ZFP14: variants seen among roughly 807,000 people sequenced by gnomAD.
The protein encoded by ZFP14 is ZFP14 zinc finger protein.
In ZFP14, 22 loss-of-function variants were observed where a neutral mutation model predicts 54.5. That is an observed-to-expected ratio of 0.40 (90% CI 0.29 to 0.58). The LOEUF is 0.58. Among genes scored for constraint, ZFP14 ranks in the 20% least tolerant of loss-of-function variants. ZFP14 has a pLI of 0.39. For synonymous variants in ZFP14, 159 were observed against 204.0 expected (o/e 0.78, Z 1.88); for missense variants, 470 against 637.8 (o/e 0.74, Z 2.83).
chr19:36,372,283 T>C (rs1052191537), intron 1 of ZFP14, among the ~76,000 whole-genome samples: 2 of 146,684 alleles, frequency 1.4e-5, no homozygotes, highest in African/African-American at 5.0e-5. Flanking sequence ...AGAAAGCCAA[T>C]AGAAAGAATC....
rs2031196047 is a variant in ZFP14, at chr19:36,336,314, A to G, written c.*3910T>C. On this transcript the variant is annotated 3_prime_UTR_variant, in exon 5 of 5. Transcript: ENST00000270001. ...GAGTGCAGTGGCGCGATCTCAACTC[A>G]CCACAAACTCCGCCTCCTGGATTCA... 1 of 134,394 alleles carries G rather than the reference A, an allele frequency of 7.4e-6. No individual in the cohort carries two copies. The highest frequency in any genetic ancestry group is 1.5e-5 in the Non-Finnish European group (1 of 65,878). The allele number at this position is 134,394 out of a possible 1,614,324, so 8.3% of individuals were successfully genotyped here. A position where few individuals can be genotyped will look rare whatever the true frequency, so the allele number is the denominator to read the frequency against.
At chr19:36,360,887 T>C (rs1263541387) in intron 3 of ZFP14, among the ~76,000 whole-genome samples, 2 of 152,206 alleles carry the variant, frequency 1.3e-5, no homozygotes, top group African/African-American at 2.4e-5. Flanking sequence ...TGTTTCTGTG[T>C]TACCTAGCAA....
rs374347665 is a variant in ZFP14, at chr19:36,351,696, T to C, written c.235+8739A>G. The stretch of plus-strand genomic sequence containing the variant: ...GCCAACACAGTGAGACCCCCATCTC[T>C]AAAATAAAACAAATTAGCCGGGCAT... On this transcript the variant is annotated intron_variant, in intron 4 of 4. Transcript: ENST00000270001. Among the ~76,000 whole-genome samples the C allele has an allele frequency of 1.1e-4, 16 of 139,292 alleles. 3 individuals carry two copies. Among genetic ancestry groups the C allele is most frequent in the African/African-American group, 4.2e-4 (16 of 37,834 alleles). 91.4% of individuals were successfully genotyped at this position (139,292 alleles called of 152,430 possible).
rs1000900335 is a variant in ZFP14, at chr19:36,346,463, C to CT, written c.236-4874dup. Among the ~76,000 whole-genome samples, 265 of 147,726 alleles carry CT rather than the reference C, an allele frequency of 1.8e-3. 2 individuals carry two copies. Among genetic ancestry groups the CT allele is most frequent in the East Asian group, 5.5e-3 (28 of 5,066 alleles). ...GTGACAACTCCCCATAGAGCTCTCA[C>CT]TTTTTTTTTTTGAGACAGAGTCTTG... On this transcript the variant is annotated intron_variant, in intron 4 of 4. Transcript: ENST00000270001.
chr19:36,371,107 CA>C (rs916398598), intron 1 of ZFP14, among the ~76,000 whole-genome samples: 6 of 152,008 alleles, frequency 3.9e-5, no homozygotes. Context: ...CTAAAAAATA[CA>C]AAAAAATTAG....
At chr19:36,353,380 C>G (rs969878176) in intron 4 of ZFP14, among the ~76,000 whole-genome samples, 1 of 142,644 alleles carries the variant, frequency 7.0e-6, no homozygotes, top group Non-Finnish European at 1.6e-5. Flanking sequence ...TCAATCTATT[C>G]TCTGTAGAGT....
At chr19:36,372,531 C>G (rs960685245) in intron 1 of ZFP14, among the ~76,000 whole-genome samples, 1 of 152,144 alleles carries the variant, frequency 6.6e-6, no homozygotes, top group Non-Finnish European at 1.5e-5. Context: ...CACATACAAC[C>G]TACCAAGATT....
chr19:36,350,971 TA>T (rs1329493009), intron 4 of ZFP14, among the ~76,000 whole-genome samples: 2 of 143,046 alleles, frequency 1.4e-5, no homozygotes, highest in African/African-American at 5.1e-5. Flanking sequence ...TAAGACGTAA[TA>T]AAGATATTTT....
rs1383237076 is a variant in ZFP14, at chr19:36,351,273, C to G, written c.235+9162G>C. Among the ~76,000 whole-genome samples, 11 of 142,418 alleles carry G rather than the reference C, an allele frequency of 7.7e-5. 4 individuals carry two copies. Among genetic ancestry groups the G allele is most frequent in the African/African-American group, 2.1e-4 (8 of 38,874 alleles). The allele number at this position is 142,418 out of a possible 152,430, so 93.4% of individuals were successfully genotyped here. ...CAGCACTTTGGGAGGCTGAGGTGGGCGGATCACCTGGGATCAGGAGTTCAA... is the reference window on the plus strand; with the variant it reads ...CAGCACTTTGGGAGGCTGAGGTGGGGGGATCACCTGGGATCAGGAGTTCAA... On this transcript the variant is annotated intron_variant, in intron 4 of 4. Coordinates refer to ENST00000270001, the MANE Select transcript of ZFP14 (RefSeq NM_020917.3).
chr19:36,345,897 G>A (rs1239720552), intron 4 of ZFP14, among the ~76,000 whole-genome samples: 2 of 151,922 alleles, frequency 1.3e-5, no homozygotes, highest in Non-Finnish European at 2.9e-5. Context: ...ACAAAAGTTA[G>A]AAAAAGAACA....
intron 2 of ZFP14, among the ~76,000 whole-genome samples, chr19:36,363,299 T>G (rs1218830643): frequency 6.8e-6 from 1 of 147,726 alleles, no homozygotes; most frequent in Non-Finnish European, 1.5e-5. Flanking sequence ...GTTCACGCCA[T>G]TCTCCTGCCT....
At chr19:36,367,407 T>C (rs1365633384) in intron 2 of ZFP14, among the ~76,000 whole-genome samples, 1 of 152,056 alleles carries the variant, frequency 6.6e-6, no homozygotes, top group Admixed American at 6.6e-5. Flanking sequence ...TGCTCAACAT[T>C]AGTGGGAGAA....
intron 4 of ZFP14, among the ~76,000 whole-genome samples, chr19:36,351,288 C>T (rs1600072436): frequency 7.0e-6 from 1 of 142,882 alleles, no homozygotes. Context: ...CACCTGGGAT[C>T]AGGAGTTCAA....
rs533141693 is a variant in ZFP14, at chr19:36,369,820, T to A, written c.-79-1849A>T. Among the ~76,000 whole-genome samples the A allele has an allele frequency of 4.6e-5, 7 of 152,216 alleles. No individual in the cohort carries two copies. The East Asian group carries it at 1.4e-3, about 29-fold the overall frequency. On this transcript the variant is annotated intron_variant, in intron 1 of 4. Coordinates refer to ENST00000270001, the MANE Select transcript of ZFP14 (RefSeq NM_020917.3). Reference sequence around the variant, plus strand: ...ATTCACTAAAAAAAAGAGGAATAACTAACAGTAGGTTTTGTTTTGTTTTGT... The same window carrying A: ...ATTCACTAAAAAAAAGAGGAATAACAAACAGTAGGTTTTGTTTTGTTTTGT...
chr19:36,338,318 G>A lies in ZFP14; in HGVS notation c.*1906C>T, dbSNP rs2031243663. 1 of 152,028 alleles carries A rather than the reference G, an allele frequency of 6.6e-6. No individual in the cohort carries two copies. Among genetic ancestry groups the A allele is most frequent in the Non-Finnish European group, 1.5e-5 (1 of 68,028 alleles). The allele number at this position is 152,028 out of a possible 1,614,324, so 9.4% of individuals were successfully genotyped here. A position where few individuals can be genotyped will look rare whatever the true frequency, so the allele number is the denominator to read the frequency against. ...TTCATTTGAATTTGATGAACTTCTG[G>A]TGACCCTGAAATTTGGTTCACATGG... On this transcript the variant is annotated 3_prime_UTR_variant, in exon 5 of 5. Transcript: ENST00000270001.
rs35013438 is a variant in ZFP14 at position 36,335,569 on chromosome 19, T to TCACACACACACACA, written c.*4641_*4654dup. Reference sequence around the variant, plus strand: ...GTATCAGATTTTTTAAACAGGGAGTTCACACACACACACACACACACACAT... The same window carrying TCACACACACACACA: ...GTATCAGATTTTTTAAACAGGGAGTTCACACACACACACACACACACACACACACACACACACAT... On this transcript the variant is annotated 3_prime_UTR_variant, in exon 5 of 5. Coordinates refer to ENST00000270001, the MANE Select transcript of ZFP14 (RefSeq NM_020917.3). 113 of 148,322 alleles carry TCACACACACACACA rather than the reference T, an allele frequency of 7.6e-4. No individual in the cohort carries two copies. The highest frequency in any genetic ancestry group is 2.5e-3 in the African/African-American group (103 of 40,558). 9.2% of individuals were successfully genotyped at this position (148,322 alleles called of 1,614,324 possible). A position where few individuals can be genotyped will look rare whatever the true frequency, so the allele number is the denominator to read the frequency against.
intron 4 of ZFP14, among the ~76,000 whole-genome samples, chr19:36,348,880 G>A (rs1270687230): frequency 6.6e-6 from 1 of 152,066 alleles, no homozygotes; most frequent in Non-Finnish European, 1.5e-5. Context: ...AAGCTGGCTT[G>A]TATTTTTTTT....
At chr19:36,362,342 A>C in intron 2 of ZFP14, 104 bp from the exon 3 acceptor site, 1 of 1,264,166 alleles carries the variant, frequency 7.9e-7, no homozygotes. Flanking sequence ...GTCAGATAGC[A>C]TGCAAACAGC....
chr19:36,373,923 A>AG (rs1210069522), intron 1 of ZFP14, among the ~76,000 whole-genome samples: 3 of 151,224 alleles, frequency 2.0e-5, no homozygotes, highest in African/African-American at 4.9e-5. Flanking sequence ...AAAAAAAAAA[A>AG]AAAGAAAAAA....
Sources: allele counts gnomAD v4.1 joint callset (sites outside exome capture counted in the v4.1 genomes callset), GRCh38; gene constraint gnomAD v4.1.1; transcripts MANE v1.5; gene names NCBI Gene and HGNC (gene_info 2026-07-23, HGNC 2026-07-21).